USP25: variants seen among roughly 807,000 people sequenced by gnomAD.
USP25 encodes ubiquitin specific peptidase 25, also known as ubiquitin carboxyl-terminal hydrolase 25.
Under a neutral mutation model 158.5 loss-of-function variants are expected in USP25, and 85 were observed. The ratio of observed to expected loss-of-function variants is 0.54; its 90% CI spans 0.45 to 0.64. The LOEUF (loss-of-function observed/expected upper bound fraction) is 0.64, where lower values mean the gene tolerates loss of function less well. Among genes scored for constraint, USP25 ranks in the 30% least tolerant of loss-of-function variants. The pLI, the probability that USP25 is intolerant of heterozygous loss-of-function variation, is 0.00. For synonymous variants in USP25, 464 were observed against 460.4 expected (o/e 1.01, Z -0.10); for missense variants, 1,242 against 1,327.3 (o/e 0.94, Z 1.00).
chr21:15,746,294 A>G (rs1195135471), intron 1 of USP25, among the ~76,000 whole-genome samples: 1 of 152,168 alleles, frequency 6.6e-6, no homozygotes, highest in Non-Finnish European at 1.5e-5. Context: ...ACATCTTTAC[A>G]GTATTTTAGC....
At chr21:15,846,978 T>C (rs1017604127) in intron 18 of USP25, among the ~76,000 whole-genome samples, 3 of 152,272 alleles carry the variant, frequency 2.0e-5, no homozygotes, top group South Asian at 4.1e-4. Context: ...TAAAAATGGG[T>C]ATCAGCTTCC....
chr21:15,846,122 GTATATA>G (rs34210530), intron 18 of USP25, among the ~76,000 whole-genome samples: 1,209 of 55,566 alleles, frequency 0.022, 65 homozygotes, highest in Middle Eastern at 0.038. Context: ...GTGTGTGTGT[GTATATA>G]TATATATATA....
chr21:15,766,106 A>G lies in USP25; in HGVS notation c.233A>G (p.Asp78Gly). The G allele has an allele frequency of 6.2e-7, 1 of 1,609,812 alleles. No individual in the cohort carries two copies. The highest frequency in any genetic ancestry group is 8.5e-7 in the Non-Finnish European group (1 of 1,178,148). Residue 78 changes from aspartate (D) to glycine (G), a missense_variant, in exon 3 of 26, where the codon GAT becomes GGT. Physicochemically the swap from Asp to Gly is moderately conservative, Grantham distance 94. Around this residue, in one of 3 missense-constraint regions of USP25, gnomAD observed 627 missense variants for 701.4 expected, o/e 0.89. Coordinates refer to ENST00000400183, the MANE Select transcript of USP25 (RefSeq NM_001283041.3). The surrounding 1 kb of genome is among the most constrained non-coding windows in gnomAD (Gnocchi z 4.0). ...TYYQTALPGN[D>G]RYISVGSQAD... The stretch of plus-strand genomic sequence containing the variant: ...TACCAAACAGCACTTCCTGGCAATG[A>G]TAGATACATCAGTGTGGGAAGCCAA...
At chr21:15,854,960 T>G (rs1372926706) in intron 20 of USP25, among the ~76,000 whole-genome samples, 1 of 152,182 alleles carries the variant, frequency 6.6e-6, no homozygotes, top group Non-Finnish European at 1.5e-5. Context: ...GGAGAGAAGA[T>G]TCTGTTGTGT....
intron 5 of USP25, among the ~76,000 whole-genome samples, chr21:15,792,753 T>C (rs1040857521): frequency 6.6e-6 from 1 of 151,604 alleles, no homozygotes; most frequent in African/African-American, 2.4e-5. Flanking sequence ...GTGCATAATA[T>C]CATATAATTT....
chr21:15,828,229 A>G (rs1334906802), intron 14 of USP25, among the ~76,000 whole-genome samples: 2 of 152,228 alleles, frequency 1.3e-5, no homozygotes, highest in East Asian at 1.9e-4. Context: ...TATTTTTCAA[A>G]TAAGAGGGAA....
intron 3 of USP25, among the ~76,000 whole-genome samples, chr21:15,776,557 C>T (rs2034666948): frequency 6.6e-6 from 1 of 151,644 alleles, no homozygotes; most frequent in Middle Eastern, 3.2e-3. Flanking sequence ...ACCTTATCCT[C>T]CCCATCCTCT....
At chr21:15,864,532 T>C (rs2039574411) in intron 21 of USP25, 86 bp downstream of exon 21, 3 of 1,228,482 alleles carry the variant, frequency 2.4e-6, no homozygotes, top group Admixed American at 3.0e-5. Flanking sequence ...TGAGTATTTA[T>C]TTTATATATG....
chr21:15,872,801 G>A (rs893477004), intron 23 of USP25, among the ~76,000 whole-genome samples: 1 of 152,080 alleles, frequency 6.6e-6, no homozygotes, highest in Non-Finnish European at 1.5e-5. Flanking sequence ...TAACATTTGG[G>A]ATGTGGAATG....
intron 1 of USP25, among the ~76,000 whole-genome samples, chr21:15,731,105 C>G (rs1458876706): frequency 6.8e-6 from 1 of 146,588 alleles, no homozygotes; most frequent in African/African-American, 2.5e-5. Context: ...ACCCTTTACT[C>G]TTGCATCAGT....
intron 17 of USP25, among the ~76,000 whole-genome samples, chr21:15,840,074 G>C (rs1209975000): frequency 6.6e-6 from 1 of 151,992 alleles, no homozygotes; most frequent in Non-Finnish European, 1.5e-5. Context: ...TTCCAGTGTA[G>C]AGTCTCATAT....
At position 15,843,555 on chromosome 21, in the gene USP25, TC is replaced by T. The variant is rs1214651476; in HGVS notation, c.2337+1016del. Among the ~76,000 whole-genome samples, 1 of 152,214 alleles carries T rather than the reference TC, an allele frequency of 6.6e-6. No individual in the cohort carries two copies. The highest frequency in any genetic ancestry group is 1.5e-5 in the Non-Finnish European group (1 of 68,022). ...ACAATTTTGAAAATGTATTAATATA[TC>T]ATCTTATTAAAATGTATTAATTTAA... On this transcript the variant is annotated intron_variant, in intron 18 of 25. Coordinates refer to ENST00000400183, the MANE Select transcript of USP25 (RefSeq NM_001283041.3). The surrounding 1 kb of genome is among the most constrained non-coding windows in gnomAD (Gnocchi z 4.0).
In USP25 at chr21:15,827,028, TTCA is replaced by T. The variant is rs2037541068; in HGVS notation, c.1522_1524del (p.Ser508del). ...CTTCAGAACTGCCAAGCACATCACC[TTCA>T]TCAGTTGCTGCCATTTCATCGAGAT... is the stretch of plus-strand genomic sequence containing the variant. On this transcript the variant is annotated inframe_deletion, in exon 14 of 26. Transcript: ENST00000400183. 6.2e-7 allele frequency: 1 copy of T among 1,614,158 alleles called. No homozygotes were observed. The highest frequency in any genetic ancestry group is 8.5e-7 in the Non-Finnish European group (1 of 1,180,028).
intron 10 of USP25, among the ~76,000 whole-genome samples, chr21:15,823,799 A>AG (rs1383294840): frequency 1.2e-4 from 19 of 152,146 alleles, no homozygotes; most frequent in Non-Finnish European, 2.6e-4. Flanking sequence ...TTCGAAGGAT[A>AG]GTTGTGAGAT....
At chr21:15,822,129 TA>T (rs1403118580) in intron 10 of USP25, among the ~76,000 whole-genome samples, 80 of 152,072 alleles carry the variant, frequency 5.3e-4, no homozygotes, top group East Asian at 2.9e-3. Context: ...TGAATGGAAA[TA>T]TTTTTTTGAA....
At chr21:15,809,714 A>G (rs778530382) in intron 8 of USP25, among the ~76,000 whole-genome samples, 5 of 152,204 alleles carry the variant, frequency 3.3e-5, no homozygotes, top group Non-Finnish European at 7.3e-5. Context: ...GTTCATAGCA[A>G]CGTTATTCAC....
chr21:15,861,256 T>C (rs1483864759), intron 20 of USP25, among the ~76,000 whole-genome samples: 5 of 152,012 alleles, frequency 3.3e-5, no homozygotes, highest in Admixed American at 3.3e-4. Context: ...AAGCCTAACC[T>C]AGATAGGAGG....
chr21:15,847,963 A>G (rs2038706290), intron 19 of USP25, among the ~76,000 whole-genome samples, 187 bp downstream of exon 19: 2 of 152,236 alleles, frequency 1.3e-5, no homozygotes, highest in Middle Eastern at 3.2e-3. Context: ...AAATTTAAGT[A>G]GAAAACTTAT....
rs187290741 is a variant in USP25 at position 15,804,692 on chromosome 21, A to G, written c.643-429A>G. 2.8e-4 allele frequency among the ~76,000 whole-genome samples: 43 copies of G among 152,156 alleles called. No homozygotes were observed. In the East Asian group the frequency reaches 7.0e-3, roughly 25 times the overall value. On this transcript the variant is annotated intron_variant, in intron 6 of 25. Coordinates refer to ENST00000400183, the MANE Select transcript of USP25 (RefSeq NM_001283041.3). ...ATGGAGGAGTGGAGATTTTTGCTAA[A>G]TGGGTTTATTGAGATCAAGCACTTA... is the stretch of plus-strand genomic sequence containing the variant.
Sources: allele counts gnomAD v4.1 joint callset (sites outside exome capture counted in the v4.1 genomes callset), GRCh38; gene constraint gnomAD v4.1.1; regional missense constraint gnomAD v4.1.1; non-coding constraint Gnocchi (gnomAD v3.1); transcripts MANE v1.5; gene names NCBI Gene and HGNC (gene_info 2026-07-23, HGNC 2026-07-21).